PLCL2: variants seen among roughly 807,000 people sequenced by gnomAD.
PLCL2 encodes inactive phospholipase C-like protein 2.
In PLCL2, 4 loss-of-function variants were observed where a neutral mutation model predicts 79.6. That is an observed-to-expected ratio of 0.05 (90% CI 0.02 to 0.11). The LOEUF (loss-of-function observed/expected upper bound fraction) is 0.11. PLCL2 is among the 10% of genes least tolerant of loss of function. The pLI, the probability that PLCL2 is intolerant of heterozygous loss-of-function variation, is 1.00. For missense variants in PLCL2, 895 were observed against 1,291.0 expected (o/e 0.69, Z 4.70); for synonymous variants, 484 against 457.7 (o/e 1.06, Z -0.73).
chr3:17,013,125 C>A (rs1397830419), intron 2 of PLCL2, among the ~76,000 whole-genome samples: 1 of 152,062 alleles, frequency 6.6e-6, no homozygotes, highest in South Asian at 2.1e-4. Context: ...AGGGCTTTTC[C>A]CTGTTTTTGA....
At chr3:16,980,481 T>G (rs2063978553) in intron 1 of PLCL2, among the ~76,000 whole-genome samples, 1 of 145,124 alleles carries the variant, frequency 6.9e-6, no homozygotes, top group Admixed American at 6.8e-5. Context: ...GCAGAGACGC[T>G]CCTCACATCC....
At chr3:16,982,782 C>T (rs1167604600) in intron 1 of PLCL2, among the ~76,000 whole-genome samples, 1 of 151,916 alleles carries the variant, frequency 6.6e-6, no homozygotes, top group Admixed American at 6.6e-5. Flanking sequence ...TACGTATTTT[C>T]TTATTTGAAA....
intron 5 of PLCL2, among the ~76,000 whole-genome samples, 183 bp downstream of exon 5, chr3:17,068,248 G>T (rs948092589): frequency 2.0e-5 from 3 of 152,200 alleles, no homozygotes; most frequent in African/African-American, 7.2e-5. Context: ...TGACATTGTA[G>T]ATCAGTTGAA....
chr3:17,021,588 G>C (rs2064453344), intron 3 of PLCL2, among the ~76,000 whole-genome samples: 1 of 111,580 alleles, frequency 9.0e-6, no homozygotes, highest in South Asian at 3.1e-4. Flanking sequence ...TATTCTTAAA[G>C]TATTCTTACA....
chr3:17,060,428 T>C (rs1262230630), intron 4 of PLCL2, among the ~76,000 whole-genome samples: 3 of 152,176 alleles, frequency 2.0e-5, no homozygotes, highest in Admixed American at 6.5e-5. Context: ...ATGCCCAGAT[T>C]GTTTGGGATG....
At chr3:17,043,662 T>C (rs547211031) in intron 4 of PLCL2, among the ~76,000 whole-genome samples, 1 of 152,314 alleles carries the variant, frequency 6.6e-6, no homozygotes, top group South Asian at 2.1e-4. Flanking sequence ...CTAAGGTTTT[T>C]TTCGTTGCTG....
chr3:17,067,706 G>A (rs560671642), intron 4 of PLCL2, among the ~76,000 whole-genome samples: 1 of 152,254 alleles, frequency 6.6e-6, no homozygotes, highest in Admixed American at 6.5e-5. Flanking sequence ...GAATAACAAT[G>A]ATCATAGGTG....
chr3:17,071,428 C>T (rs1358290923), intron 5 of PLCL2, among the ~76,000 whole-genome samples: 1 of 152,156 alleles, frequency 6.6e-6, no homozygotes, highest in Admixed American at 6.5e-5. Flanking sequence ...TCTTGGCATA[C>T]TTACTTCCAG....
At chr3:16,963,078 A>T (rs2063771325) in intron 1 of PLCL2, among the ~76,000 whole-genome samples, 1 of 152,088 alleles carries the variant, frequency 6.6e-6, no homozygotes, top group South Asian at 2.1e-4. Flanking sequence ...AGTTTGGAAA[A>T]TAATTGGTTG....
At chr3:17,060,820 C>T (rs2124937130) in intron 4 of PLCL2, among the ~76,000 whole-genome samples, 1 of 152,242 alleles carries the variant, frequency 6.6e-6, no homozygotes, top group East Asian at 1.9e-4. Context: ...TATATCACTA[C>T]ACCTAATTTG....
intron 1 of PLCL2, among the ~76,000 whole-genome samples, chr3:16,964,142 A>G (rs2063781911): frequency 6.6e-6 from 1 of 151,704 alleles, no homozygotes; most frequent in African/African-American, 2.4e-5. Flanking sequence ...CATTTACATT[A>G]GGTATATCTC....
At chr3:16,980,306 C>T (rs2063974595) in intron 1 of PLCL2, among the ~76,000 whole-genome samples, 1 of 149,270 alleles carries the variant, frequency 6.7e-6, no homozygotes, top group Admixed American at 6.6e-5. Flanking sequence ...GACGGGGCGG[C>T]TGGCCGGGCG....
chr3:16,893,383 T>G (rs1283959935), intron 1 of PLCL2, among the ~76,000 whole-genome samples: 3 of 152,242 alleles, frequency 2.0e-5, no homozygotes, highest in Non-Finnish European at 4.4e-5. Flanking sequence ...GTCAACTAAT[T>G]ATAGAATTTT....
intron 1 of PLCL2, among the ~76,000 whole-genome samples, chr3:16,921,620 G>A (rs899085446): frequency 2.0e-5 from 3 of 152,190 alleles, no homozygotes; most frequent in African/African-American, 7.2e-5. Context: ...ACTGCTCCCT[G>A]TATATTGCAA....
At chr3:17,042,628 G>C (rs113192186) in intron 3 of PLCL2, 134 of 348,578 alleles carry the variant, frequency 3.8e-4, no homozygotes, top group African/African-American at 2.5e-3. Context: ...GGGTTCAAGT[G>C]CAGTGTTGTA....
chr3:16,963,197 G>T (rs190602728), intron 1 of PLCL2, among the ~76,000 whole-genome samples: 1 of 152,124 alleles, frequency 6.6e-6, no homozygotes, highest in Non-Finnish European at 1.5e-5. Flanking sequence ...AAAGGGTATA[G>T]TGACCTAATA....
Position 17,005,359 on chromosome 3 carries a change from C to T in PLCL2, c.328-4315C>T, listed in dbSNP as rs1455761353. Among the ~76,000 whole-genome samples the T allele has an allele frequency of 2.3e-5, 3 of 133,160 alleles. No individual in the cohort carries two copies. In the East Asian group the frequency reaches 7.7e-4, roughly 34 times the overall value. 87.4% of individuals were successfully genotyped at this position (133,160 alleles called of 152,430 possible). ...TTGCCAGCCGATGAAATGAGGTTCACCTATTCCTTATCCCGTTTCAGGATG... is the reference window on the plus strand; with the variant it reads ...TTGCCAGCCGATGAAATGAGGTTCATCTATTCCTTATCCCGTTTCAGGATG... On this transcript the variant is annotated intron_variant, in intron 1 of 5. Transcript: ENST00000615277.
At chr3:17,084,094 A>C (rs1194743649) in intron 5 of PLCL2, among the ~76,000 whole-genome samples, 2 of 152,206 alleles carry the variant, frequency 1.3e-5, no homozygotes, top group African/African-American at 2.4e-5. Flanking sequence ...GTCAGAAATG[A>C]AATAAAGGAT....
At chr3:16,917,157 C>T (rs538906137) in intron 1 of PLCL2, among the ~76,000 whole-genome samples, 12 of 152,304 alleles carry the variant, frequency 7.9e-5, no homozygotes, top group Admixed American at 6.5e-4. Flanking sequence ...GGACACACAT[C>T]CTCTGTGTAA....
Sources: gnomAD v4.1 joint callset for allele counts (sites outside exome capture counted in the v4.1 genomes callset) on GRCh38, gnomAD v4.1.1 for gene constraint, MANE v1.5 for transcripts, NCBI Gene and HGNC (gene_info 2026-07-23, HGNC 2026-07-21) for gene names.